Variants in PDCD6IP observed in about 807,000 individuals in gnomAD.
PDCD6IP encodes programmed cell death 6 interacting protein.
A neutral mutation model predicts 103.7 loss-of-function variants in PDCD6IP; 43 were observed. The observed-to-expected ratio is 0.41, with a 90% CI of 0.32 to 0.53. The LOEUF (loss-of-function observed/expected upper bound fraction) is 0.53. PDCD6IP is among the 20% of genes least tolerant of loss of function. PDCD6IP has a pLI of 0.16. For synonymous variants in PDCD6IP, 354 were observed against 378.7 expected (o/e 0.93, Z 0.76); for missense variants, 871 against 1,036.7 (o/e 0.84, Z 2.20).
chr3:33,817,210 C>T (rs1696873537), intron 3 of PDCD6IP, among the ~76,000 whole-genome samples: 1 of 152,196 alleles, frequency 6.6e-6, no homozygotes, highest in Non-Finnish European at 1.5e-5. Flanking sequence ...GGACACTCCT[C>T]ATACAGAACT....
chr3:33,810,280 T>C (rs1346327094), intron 1 of PDCD6IP, among the ~76,000 whole-genome samples: 2 of 152,236 alleles, frequency 1.3e-5, no homozygotes, highest in South Asian at 2.1e-4. Context: ...TTTTCCTCAA[T>C]GGGCTCTTAT....
At chr3:33,826,122 A>G (rs1284646585) in intron 5 of PDCD6IP, among the ~76,000 whole-genome samples, 2 of 152,210 alleles carry the variant, frequency 1.3e-5, no homozygotes, top group Admixed American at 6.5e-5. Context: ...TTCTTTTAAA[A>G]TAACAGCTTA....
intron 12 of PDCD6IP, among the ~76,000 whole-genome samples, chr3:33,846,505 G>A (rs1697595234): frequency 6.6e-6 from 1 of 152,232 alleles, no homozygotes; most frequent in African/African-American, 2.4e-5. Context: ...GTTTAAAAAT[G>A]TCACAGGGAA....
chr3:33,838,148 T>C, intron 8 of PDCD6IP, 56 bp from the exon 9 acceptor site: 1 of 1,506,628 alleles, frequency 6.6e-7, no homozygotes, highest in Non-Finnish European at 9.2e-7. Flanking sequence ...ACAGTCACTT[T>C]TACAGTTCGG....
intron 4 of PDCD6IP, among the ~76,000 whole-genome samples, chr3:33,822,793 C>T (rs1697023100): frequency 1.3e-5 from 2 of 152,098 alleles, no homozygotes; most frequent in Admixed American, 1.3e-4. Context: ...ATAGCTAGGA[C>T]TATAGGCATC....
chr3:33,831,850 C>T (rs150295109), intron 7 of PDCD6IP, among the ~76,000 whole-genome samples: 5 of 151,974 alleles, frequency 3.3e-5, no homozygotes, highest in Admixed American at 6.6e-5. Flanking sequence ...GTGTTGTGTA[C>T]CTTCTTTTCT....
At chr3:33,824,536 G>A (rs1697068669) in intron 4 of PDCD6IP, among the ~76,000 whole-genome samples, 1 of 151,964 alleles carries the variant, frequency 6.6e-6, no homozygotes, top group Non-Finnish European at 1.5e-5. Context: ...GGGATTAACA[G>A]GCGTGAGCCA....
At position 33,836,143 on chromosome 3, in the gene PDCD6IP, A is replaced by G. The variant is rs1697342778; in HGVS notation, c.934A>G (p.Lys312Glu). ...DKINRALAAA[K>E]KDNDFIYHDR... is the part of the protein sequence containing the mutation. ...AATCAATCGTGCCCTTGCTGCAGCA[A>G]AGAAGGATAATGACTTCATTTATCA... The change falls in exon 8 of 18, where the codon AAG becomes GAG. Residue 312 changes from lysine (K) to glutamate (E), a missense_variant. Physicochemically the swap from Lys to Glu is moderately conservative, Grantham distance 56. This residue lies in a region of PDCD6IP where 242 missense variants were observed against 250.7 expected (regional missense o/e 0.97). Coordinates refer to ENST00000307296, the MANE Select transcript of PDCD6IP (RefSeq NM_013374.6). The G allele has an allele frequency of 1.2e-6, 2 of 1,611,646 alleles. No individual in the cohort carries two copies. The highest frequency in any genetic ancestry group is 1.7e-6 in the Non-Finnish European group (2 of 1,177,744).
At chr3:33,825,812 A>G (rs1019577450) in intron 5 of PDCD6IP, among the ~76,000 whole-genome samples, 1 of 152,206 alleles carries the variant, frequency 6.6e-6, no homozygotes, top group Non-Finnish European at 1.5e-5. Context: ...TAAGAGAATT[A>G]TATGATAGTG....
At chr3:33,852,787 A>C (rs1040394172) in intron 13 of PDCD6IP, 51 bp downstream of exon 13, 16 of 1,524,234 alleles carry the variant, frequency 1.0e-5, no homozygotes, top group Non-Finnish European at 9.6e-6. Flanking sequence ...TACAGAAAAG[A>C]TATGTCTGGA....
chr3:33,826,775 C>T, intron 6 of PDCD6IP, 195 bp downstream of exon 6: 1 of 1,329,174 alleles, frequency 7.5e-7, no homozygotes. Flanking sequence ...TTAGGGGATG[C>T]CTTTGTCTTT....
At chr3:33,855,916 C>T (rs538380567) in intron 15 of PDCD6IP, among the ~76,000 whole-genome samples, 1 of 152,150 alleles carries the variant, frequency 6.6e-6, no homozygotes, top group Non-Finnish European at 1.5e-5. Flanking sequence ...GTCCCCAATC[C>T]TGGGGCCTTG....
chr3:33,814,692 A>T (rs1696800933), intron 3 of PDCD6IP, among the ~76,000 whole-genome samples: 1 of 145,952 alleles, frequency 6.9e-6, no homozygotes, highest in Non-Finnish European at 1.5e-5. Context: ...TATAATGTGT[A>T]TTATATATAT....
intron 15 of PDCD6IP, among the ~76,000 whole-genome samples, chr3:33,859,262 T>C (rs1485310557): frequency 1.3e-5 from 2 of 151,960 alleles, no homozygotes; most frequent in African/African-American, 2.4e-5. Context: ...AAATGAAATA[T>C]AAGGTGTAAA....
intron 7 of PDCD6IP, among the ~76,000 whole-genome samples, chr3:33,830,228 C>T (rs1386195905): frequency 2.0e-5 from 3 of 152,038 alleles, no homozygotes; most frequent in African/African-American, 4.8e-5. Context: ...AAAGTCAGAC[C>T]CAGATGTGTC....
intron 1 of PDCD6IP, among the ~76,000 whole-genome samples, chr3:33,802,528 T>C (rs1642156857): frequency 6.6e-6 from 1 of 151,774 alleles, no homozygotes; most frequent in Non-Finnish European, 1.5e-5. Flanking sequence ...TTGCTCTTGT[T>C]ACCCAGGCTG....
Position 33,868,473 on chromosome 3 carries a change from C to G in PDCD6IP, c.*1948C>G, listed in dbSNP as rs1191173316. The G allele has an allele frequency of 6.5e-6, 1 of 152,736 alleles. No homozygotes were observed. The highest frequency in any genetic ancestry group is 2.1e-4 in the South Asian group (1 of 4,826). The allele number at this position is 152,736 out of a possible 1,614,324, so 9.5% of individuals were successfully genotyped here. A position where few individuals can be genotyped will look rare whatever the true frequency, so the allele number is the denominator to read the frequency against. On this transcript the variant is annotated 3_prime_UTR_variant, in exon 18 of 18. Transcript: ENST00000307296. ...CATTCAGAAACTAGGAAAGGAGGCCCCCACAGCTGATCCTGCCACAGCACA... is the reference window on the plus strand; with the variant it reads ...CATTCAGAAACTAGGAAAGGAGGCCGCCACAGCTGATCCTGCCACAGCACA...
chr3:33,815,369 C>T (rs1696824739), intron 3 of PDCD6IP, among the ~76,000 whole-genome samples: 1 of 152,064 alleles, frequency 6.6e-6, no homozygotes, highest in Non-Finnish European at 1.5e-5. Flanking sequence ...CCCAGGTACT[C>T]TGGAAGGGAC....
intron 12 of PDCD6IP, among the ~76,000 whole-genome samples, chr3:33,849,849 G>T (rs1559793549): frequency 6.6e-6 from 1 of 152,160 alleles, no homozygotes; most frequent in Non-Finnish European, 1.5e-5. Flanking sequence ...TTTTTAAAAA[G>T]ATGTTCATAA....
Sources: gnomAD v4.1 joint callset for allele counts (sites outside exome capture counted in the v4.1 genomes callset) on GRCh38, gnomAD v4.1.1 for gene constraint, gnomAD v4.1.1 regional missense constraint, MANE v1.5 for transcripts, NCBI Gene and HGNC (gene_info 2026-07-23, HGNC 2026-07-21) for gene names.